The following ZNF407 variants were observed in gnomAD, a reference collection of about 807,000 sequenced individuals.
ZNF407 encodes the protein zinc finger protein 407.
A neutral mutation model predicts 131.2 loss-of-function variants in ZNF407; 17 were observed. The ratio of observed to expected loss-of-function variants is 0.13; its 90% confidence interval spans 0.09 to 0.19. The LOEUF (loss-of-function observed/expected upper bound fraction) is 0.19. Among genes scored for constraint, ZNF407 ranks in the 10% least tolerant of loss-of-function variants. The pLI, the probability that ZNF407 is intolerant of heterozygous loss-of-function variation, is 1.00. For missense variants in ZNF407, 2,681 were observed against 2,830.6 expected (o/e 0.95, Z 1.20); for synonymous variants, 1,156 against 1,062.0 (o/e 1.09, Z -1.72).
intron 4 of ZNF407, chr18:74,804,282 A>C: frequency 2.3e-5 from 27 of 1,198,648 alleles, no homozygotes; most frequent in Non-Finnish European, 2.7e-5. Flanking sequence ...AGTTTTATAA[A>C]ATTGTCATCA....
At chr18:74,695,692 T>C (rs1169336816) in intron 3 of ZNF407, among the ~76,000 whole-genome samples, 1 of 152,170 alleles carries the variant, frequency 6.6e-6, no homozygotes, top group African/African-American at 2.4e-5. Flanking sequence ...TATGTATAGA[T>C]GTATTCATCA....
chr18:74,691,016 C>T (rs761973010), intron 3 of ZNF407, among the ~76,000 whole-genome samples: 3 of 152,184 alleles, frequency 2.0e-5, no homozygotes, highest in Admixed American at 6.5e-5. Flanking sequence ...CAGTGGCTCA[C>T]GCCTGTAATC....
Position 74,598,950 on chromosome 18 carries a change from T to C in ZNF407, c.-54+1013T>C, listed in dbSNP as rs1982448236. On this transcript the variant is annotated intron_variant, in intron 1 of 8. Coordinates refer to ENST00000299687, the MANE Select transcript of ZNF407 (RefSeq NM_017757.3). ...CACACATGTAGAATACTTTTATAAG[T>C]AATTACAGTCTTAATAGTGATTTGA... is the stretch of plus-strand genomic sequence containing the variant. Among the ~76,000 whole-genome samples the C allele has an allele frequency of 1.3e-5, 2 of 152,252 alleles. 1 individual carries two copies. Among genetic ancestry groups the C allele is most frequent in the Non-Finnish European group, 2.9e-5 (2 of 68,046 alleles).
intron 4 of ZNF407, among the ~76,000 whole-genome samples, chr18:74,819,268 G>A (rs1970308693): frequency 6.6e-6 from 1 of 152,172 alleles, no homozygotes; most frequent in Non-Finnish European, 1.5e-5. Flanking sequence ...CACAGTTATT[G>A]TAAGATGCTT....
chr18:74,978,457 G>A (rs1249539757), intron 8 of ZNF407, among the ~76,000 whole-genome samples: 2 of 152,080 alleles, frequency 1.3e-5, no homozygotes, highest in Non-Finnish European at 2.9e-5. Context: ...ATGGAGGCAA[G>A]CATTCATTAA....
intron 3 of ZNF407, among the ~76,000 whole-genome samples, chr18:74,767,997 T>C (rs1322266656): frequency 6.6e-6 from 1 of 152,096 alleles, no homozygotes; most frequent in Non-Finnish European, 1.5e-5. Flanking sequence ...CAAAATAATT[T>C]AATATATTTT....
Position 74,652,606 on chromosome 18 carries a change from C to G in ZNF407, c.4802+11484C>G, listed in dbSNP as rs1985277382. ...ATATTATGTTACTCTAACACTTCTA[C>G]TGGGGTAAGTTTTGTGATTGAAACA... On this transcript the variant is annotated intron_variant, in intron 3 of 8. Transcript: ENST00000299687. Among the ~76,000 whole-genome samples, 3 of 152,076 alleles carry G rather than the reference C, an allele frequency of 2.0e-5. No homozygotes were observed. In the South Asian group the frequency reaches 6.2e-4, roughly 32 times the overall value.
intron 7 of ZNF407, among the ~76,000 whole-genome samples, chr18:74,899,715 A>G (rs1465122205): frequency 6.6e-6 from 1 of 152,184 alleles, no homozygotes; most frequent in Non-Finnish European, 1.5e-5. Flanking sequence ...GACCTCCAGG[A>G]AAGAGAGGTG....
At chr18:75,031,106 A>T (rs574339045) in intron 8 of ZNF407, among the ~76,000 whole-genome samples, 2 of 152,316 alleles carry the variant, frequency 1.3e-5, no homozygotes, top group Admixed American at 6.5e-5. Context: ...CACCTGCAAG[A>T]CCTCACACTC....
chr18:74,889,389 T>C (rs1971354593), intron 6 of ZNF407, among the ~76,000 whole-genome samples: 1 of 152,218 alleles, frequency 6.6e-6, no homozygotes, highest in African/African-American at 2.4e-5. Flanking sequence ...AAATATTTCT[T>C]TGGGTCCTCT....
intron 8 of ZNF407, among the ~76,000 whole-genome samples, chr18:75,016,999 G>T (rs17056166): frequency 0.043 from 6,479 of 152,154 alleles, 266 homozygotes; most frequent in African/African-American, 0.11. Context: ...TCTGAAAACA[G>T]GACTCGAGTG....
At chr18:74,626,738 G>C (rs1337112267) in intron 1 of ZNF407, among the ~76,000 whole-genome samples, 1 of 152,160 alleles carries the variant, frequency 6.6e-6, no homozygotes, top group African/African-American at 2.4e-5. Flanking sequence ...CAGTAAAAGC[G>C]TCAGGCTGAG....
chr18:74,635,417 C>T lies in ZNF407; in HGVS notation c.4398C>T (p.Ala1466=), dbSNP rs373149860. The T allele has an allele frequency of 7.7e-5, 125 of 1,613,670 alleles. No homozygotes were observed. In the East Asian group the frequency reaches 1.4e-3, roughly 18 times the overall value. ...ACCTTCACCAGCATCTGGCTAGTGC[C>T]GGCCACATGAGAAATGAGCAGGCCA... ...ESNLHQHLAS[A]GHMRNEQASV... Residue 1466 remains alanine, a synonymous_variant, in exon 2 of 9, where the codon GCC becomes GCT. Coordinates refer to ENST00000299687, the MANE Select transcript of ZNF407 (RefSeq NM_017757.3). The surrounding 1 kb of genome is among the most constrained non-coding windows in gnomAD (Gnocchi z 4.7).
intron 4 of ZNF407, among the ~76,000 whole-genome samples, chr18:74,813,497 C>T (rs1478395888): frequency 6.6e-6 from 1 of 152,212 alleles, no homozygotes; most frequent in Non-Finnish European, 1.5e-5. Flanking sequence ...TCATCAAAGC[C>T]AGTGTCGTGG....
At chr18:74,791,085 A>G (rs1164470160) in intron 4 of ZNF407, among the ~76,000 whole-genome samples, 1 of 152,200 alleles carries the variant, frequency 6.6e-6, no homozygotes, top group African/African-American at 2.4e-5. Flanking sequence ...TACTCATAGG[A>G]GAAAACAAGC....
chr18:74,892,870 T>G (rs1351290491), intron 7 of ZNF407, among the ~76,000 whole-genome samples: 3 of 152,148 alleles, frequency 2.0e-5, no homozygotes, highest in Admixed American at 1.3e-4. Context: ...CATGCCTAAG[T>G]CTGTGCATGT....
chr18:74,604,630 G>T (rs145557105), intron 1 of ZNF407, among the ~76,000 whole-genome samples: 3 of 152,232 alleles, frequency 2.0e-5, no homozygotes, highest in Non-Finnish European at 4.4e-5. Context: ...TAGGGAGCAA[G>T]TGTTTTTGAA....
At chr18:75,024,319 G>A (rs1319742102) in intron 8 of ZNF407, among the ~76,000 whole-genome samples, 1 of 152,110 alleles carries the variant, frequency 6.6e-6, no homozygotes, top group Non-Finnish European at 1.5e-5. Context: ...TATCATCTAT[G>A]TCTGTTGATT....
chr18:74,905,940 AAG>A (rs1380300221), intron 7 of ZNF407: 1 of 152,330 alleles, frequency 6.6e-6, no homozygotes, highest in Non-Finnish European at 1.5e-5. Context: ...TGAATAAAAA[AAG>A]AGACTTTGGG....
Sources: allele counts gnomAD v4.1 joint callset (sites outside exome capture counted in the v4.1 genomes callset), GRCh38; gene constraint gnomAD v4.1.1; non-coding constraint Gnocchi (gnomAD v3.1); transcripts MANE v1.5; gene names NCBI Gene and HGNC (gene_info 2026-07-23, HGNC 2026-07-21).